The following MUC4 variants were observed in gnomAD, a reference collection of about 807,000 sequenced individuals.
The protein encoded by MUC4 is mucin-4.
MUC4 carries 202 observed loss-of-function variants against 257.9 expected under a neutral mutation model. The observed-to-expected ratio is 0.78, with a 90% CI of 0.70 to 0.88. MUC4 has a LOEUF of 0.88. Ranked by LOEUF, MUC4 falls within the 40% of genes least tolerant of loss-of-function variation. MUC4 has a pLI of 0.00. For synonymous variants in MUC4, 2,351 were observed against 2,757.1 expected, an observed-to-expected ratio of 0.85 and a Z score of 4.62; for missense variants, 5,976 against 6,513.7, an observed-to-expected ratio of 0.92 and a Z score of 2.84.
rs1270654149 is a variant in MUC4, at chr3:195,765,397, G to A, written c.13671C>T (p.Tyr4557=). ...TCAGCCACTGCAGGCACTCGAGACGGTAGTTGGGCCTTTCTTCCCGGTGTA... is the reference window on the plus strand; with the variant it reads ...TCAGCCACTGCAGGCACTCGAGACGATAGTTGGGCCTTTCTTCCCGGTGTA... ...YRLHREERPN[Y]RLECLQWLKS... Residue 4557 remains tyrosine (Y), a synonymous_variant, in exon 9 of 25, where the codon TAC becomes TAT. Coordinates refer to ENST00000463781, the MANE Select transcript of MUC4 (RefSeq NM_018406.7). 2 of 1,613,548 alleles carry A rather than the reference G, an allele frequency of 1.2e-6. No individual in the cohort carries two copies. The highest frequency in any genetic ancestry group is 1.7e-6 in the Non-Finnish European group (2 of 1,180,040).
intron 3 of MUC4, among the ~76,000 whole-genome samples, 168 bp from the exon 4 acceptor site, chr3:195,774,473 T>G (rs940022172): frequency 6.6e-6 from 1 of 152,190 alleles, no homozygotes; most frequent in Non-Finnish European, 1.5e-5. Flanking sequence ...CCACCCACAT[T>G]AAATGCATGT....
intron 7 of MUC4, among the ~76,000 whole-genome samples, chr3:195,767,258 A>G (rs1413440061): frequency 6.6e-6 from 1 of 152,116 alleles, no homozygotes; most frequent in African/African-American, 2.4e-5. Flanking sequence ...AAGGGATTAC[A>G]GTGGCATCTA....
chr3:195,810,489 G>A lies in MUC4; in HGVS notation c.82+1247C>T, dbSNP rs1384726431. 2.0e-5 allele frequency among the ~76,000 whole-genome samples: 3 copies of A among 152,176 alleles called. No homozygotes were observed. The highest frequency in any genetic ancestry group is 7.2e-5 in the African/African-American group (3 of 41,430). On this transcript the variant is annotated intron_variant, in intron 1 of 24. Coordinates refer to ENST00000463781, the MANE Select transcript of MUC4 (RefSeq NM_018406.7). The surrounding 1 kb of genome is among the most constrained non-coding windows in gnomAD (Gnocchi z 4.2). Reference sequence around the variant, plus strand: ...TGTGGGGAAGAGGACGGGGGCCCCCGAGGGAACATCTCCCACAGGCCTGGC... The same window carrying A: ...TGTGGGGAAGAGGACGGGGGCCCCCAAGGGAACATCTCCCACAGGCCTGGC...
At position 195,791,482 on chromosome 3, in the gene MUC4, G is replaced by A; in HGVS notation, c.98C>T (p.Thr33Ile). 6.2e-7 allele frequency: 1 copy of A among 1,613,322 alleles called. No homozygotes were observed. Among genetic ancestry groups the A allele is most frequent in the Non-Finnish European group, 8.5e-7 (1 of 1,179,396 alleles). The part of the protein sequence containing the change: ...PHVVPGTTED[T>I]LITGSKTAAP... ...AGCAGTTTTACTTCCAGTTATTAAT[G>A]TGTCCTCTGTGGTTCCTGGAGTGAA... Residue 33 changes from threonine (T) to isoleucine (I), a missense_variant, in exon 2 of 25, where the codon ACA (threonine) becomes ATA (isoleucine). Thr to Ile is a moderately conservative substitution (Grantham distance 89). Transcript: ENST00000463781.
At chr3:195,751,507 C>T in intron 21 of MUC4, 1 of 594,202 alleles carries the variant, frequency 1.7e-6, no homozygotes. Flanking sequence ...CTGTCCCCCC[C>T]TCAGCCTCAT....
Position 195,787,670 on chromosome 3 carries a change from A to G in MUC4, c.3910T>C (p.Ser1304Pro), listed in dbSNP as rs1399813114. The G allele has an allele frequency of 1.6e-5, 12 of 753,398 alleles. No homozygotes were observed. The highest frequency in any genetic ancestry group is 2.1e-5 in the Non-Finnish European group (11 of 532,140). 46.7% of individuals were successfully genotyped at this position (753,398 alleles called of 1,614,324 possible). The part of the protein sequence containing the change: ...VTPLHVTSPS[S>P]ASTGHATPLP... ...GGGGTGGCGTGACCTGTGGATGCTG[A>G]GGAAGGGCTGGTGACATGAAGAGGA... is the stretch of plus-strand genomic sequence containing the variant. Residue 1304 changes from serine (S) to proline (P), a missense_variant, in exon 2 of 25, where the codon TCA becomes CCA. Ser to Pro is a moderately conservative substitution (Grantham distance 74). Around this residue, in one of 44 missense-constraint regions of MUC4, gnomAD observed 19 missense variants for 57.2 expected, o/e 0.33. Coordinates refer to ENST00000463781, the MANE Select transcript of MUC4 (RefSeq NM_018406.7).
In MUC4 at chr3:195,788,778, T is replaced by C. The variant is rs1277752085; in HGVS notation, c.2802A>G (p.Thr934=). ...LASQATDTFS[T]VPPTPPSITS... is the part of the protein sequence containing the mutation. ...TGATCGATGGAGGTGTGGGTGGGAC[T>C]GTTGAGAAGGTGTCGGTTGCCTGGG... Residue 934 remains threonine, a synonymous_variant, in exon 2 of 25, where the codon ACA becomes ACG. Transcript: ENST00000463781. 2.0e-5 allele frequency: 33 copies of C among 1,613,752 alleles called. No individual in the cohort carries two copies. The highest frequency in any genetic ancestry group is 2.7e-5 in the Non-Finnish European group (32 of 1,179,830).
At chr3:195,792,772 A>G (rs2149045507) in intron 1 of MUC4, among the ~76,000 whole-genome samples, 1 of 152,378 alleles carries the variant, frequency 6.6e-6, no homozygotes, top group South Asian at 2.1e-4. Flanking sequence ...AAAATGTGGT[A>G]CATATGCAGC....
chr3:195,782,246 A>C lies in MUC4; in HGVS notation c.9334T>G (p.Ser3112Ala), dbSNP rs1305837659. 1.3e-6 allele frequency: 2 copies of C among 1,528,336 alleles called. No individual in the cohort carries two copies. The highest frequency in any genetic ancestry group is 1.4e-5 in the African/African-American group (1 of 69,440). 94.7% of individuals were successfully genotyped at this position (1,528,336 alleles called of 1,614,324 possible). A position where few individuals can be genotyped will look rare whatever the true frequency, so the allele number is the denominator to read the frequency against. Residue 3112 changes from serine to alanine, a missense_variant, in exon 2 of 25, where the codon TCA (serine) becomes GCA (alanine). Transcript: ENST00000463781. Reference protein sequence around the residue: ...TTPLPVTSPSSASTGHTTPLP... With the variant: ...TTPLPVTSPSAASTGHTTPLP... ...GGGGTGGTGTGACCTGTGGATGCTG[A>C]GGAAGGGCTAGTGACAGGAAGAGGC...
chr3:195,767,746 C>T (rs1345252684), intron 7 of MUC4, among the ~76,000 whole-genome samples: 806 of 41,854 alleles, frequency 0.019, 39 homozygotes, highest in African/African-American at 0.051. Context: ...CCATCACCAT[C>T]GCCACCACCA....
intron 18 of MUC4, among the ~76,000 whole-genome samples, chr3:195,756,663 T>C (rs1717735288): frequency 6.7e-6 from 1 of 150,036 alleles, no homozygotes; most frequent in Non-Finnish European, 1.5e-5. Flanking sequence ...TTTCTTTTCT[T>C]TTCTTTTCTT....
chr3:195,799,662 A>G (rs1408373836), intron 1 of MUC4, among the ~76,000 whole-genome samples: 1 of 152,248 alleles, frequency 6.6e-6, no homozygotes. Context: ...CTGTTGGACA[A>G]TTAGGATATT....
intron 4 of MUC4, among the ~76,000 whole-genome samples, chr3:195,772,465 TCTCTCCATCGCTCAGGGGTGTAGACA>T: frequency 7.9e-6 from 1 of 126,928 alleles, no homozygotes; most frequent in African/African-American, 3.2e-5. Context: ...GTAGACACCC[TCTCTCCATCGCTCAGGGGTGTAGACA>T]CCCTCCCTTC....
intron 8 of MUC4, 107 bp from the exon 9 acceptor site, chr3:195,765,556 T>G: frequency 8.8e-7 from 1 of 1,140,960 alleles, no homozygotes; most frequent in Non-Finnish European, 1.2e-6. Context: ...CTCCTGCCAC[T>G]TCTCACCTCT....
chr3:195,748,977 C>T lies in MUC4; in HGVS notation c.15959G>A (p.Cys5320Tyr). The T allele has an allele frequency of 1.9e-6, 3 of 1,609,848 alleles. No individual in the cohort carries two copies. Among genetic ancestry groups the T allele is most frequent in the East Asian group, 2.2e-5 (1 of 44,742 alleles). The change falls in exon 24 of 25, where the codon TGC becomes TAC. Residue 5320 changes from cysteine (C) to tyrosine (Y), a missense_variant. Cys to Tyr is a radical substitution (Grantham distance 194). This residue lies in a region of MUC4 where 310 missense variants were observed against 242.1 expected (regional missense o/e 1.28). Transcript: ENST00000463781. ...GTAGCCCCTACTGCACGGGGACACG[C>T]AGGTGAAGCCGCTCTGGGGGCTGTA... ...LVYSPQSGFT[C>Y]VSPCSRGYCD...
In MUC4 at chr3:195,791,263, C is replaced by G. The variant is rs1733832479; in HGVS notation, c.317G>C (p.Ser106Thr). The G allele has an allele frequency of 1.7e-6, 1 of 595,296 alleles. No homozygotes were observed. The highest frequency in any genetic ancestry group is 2.6e-5 in the African/African-American group (1 of 38,674). The allele number at this position is 595,296 out of a possible 1,614,324, so 36.9% of individuals were successfully genotyped here. Reference sequence around the variant, plus strand: ...AGCTGTCTCCATCACATTGTGTACACTTGGGGAAGAAAAAAGAGTTGATGT... The same window carrying G: ...AGCTGTCTCCATCACATTGTGTACAGTTGGGGAAGAAAAAAGAGTTGATGT... ...MMTSTLFSSP[S>T]VHNVMETAPP... The change falls in exon 2 of 25, where the codon AGT (serine) becomes ACT (threonine). Residue 106 changes from serine (S) to threonine (T), a missense_variant. Transcript: ENST00000463781.
chr3:195,767,260 T>C (rs1481405821), intron 7 of MUC4, among the ~76,000 whole-genome samples: 1 of 152,076 alleles, frequency 6.6e-6, no homozygotes, highest in Non-Finnish European at 1.5e-5. Flanking sequence ...GGGATTACAG[T>C]GGCATCTACC....
rs752358340 is a variant in MUC4 at position 195,789,283 on chromosome 3, G to T, written c.2297C>A (p.Thr766Lys). Residue 766 changes from threonine to lysine, a missense_variant, in exon 2 of 25, where the codon ACA becomes AAA. This residue lies in a region of MUC4 where 1,583 missense variants were observed against 1,257.4 expected (regional missense o/e 1.26). Transcript: ENST00000463781. ...GTGGGTATGGGTCATGGCTGCTGCT[G>T]TGTCAGGTGAGGTGCTGGCAGAGGC... ...TSASASTSPD[T>K]AAAMTHTHQA... 5 of 1,613,806 alleles carry T rather than the reference G, an allele frequency of 3.1e-6. No homozygotes were observed. Among genetic ancestry groups the T allele is most frequent in the Middle Eastern group, 1.6e-4 (1 of 6,084 alleles).
intron 1 of MUC4, among the ~76,000 whole-genome samples, chr3:195,797,482 C>A (rs555067271): frequency 2.0e-5 from 3 of 152,064 alleles, no homozygotes; most frequent in African/African-American, 7.2e-5. Context: ...TAAAAAGAGA[C>A]GTTAACTCTT....
Sources: gnomAD v4.1 joint callset for allele counts (sites outside exome capture counted in the v4.1 genomes callset) on GRCh38, gnomAD v4.1.1 for gene constraint, gnomAD v4.1.1 regional missense constraint, Gnocchi (gnomAD v3.1) non-coding constraint, MANE v1.5 for transcripts, NCBI Gene and HGNC (gene_info 2026-07-23, HGNC 2026-07-21) for gene names.